ANK2: variants seen among roughly 807,000 people sequenced by gnomAD.
ANK2 encodes ankyrin 2.
In ANK2, 83 loss-of-function variants were observed where a neutral mutation model predicts 360.5. That is an observed-to-expected ratio of 0.23 (90% confidence interval 0.19 to 0.28). The LOEUF (loss-of-function observed/expected upper bound fraction) is 0.28. ANK2 is among the 10% of genes least tolerant of loss of function. ANK2 has a pLI of 1.00. For synonymous variants in ANK2, 1,740 were observed against 1,759.5 expected, an observed-to-expected ratio of 0.99 and a Z score of 0.28; for missense variants, 4,201 against 4,795.7, an observed-to-expected ratio of 0.88 and a Z score of 3.66.
the ANK2 span, among the ~76,000 whole-genome samples, chr4:112,743,412 T>G: frequency 2.5e-3 from 385 of 152,234 alleles, 2 homozygotes; most frequent in African/African-American, 8.7e-3. Context: ...TAAAGATAAC[T>G]TCCTTATATT....
At chr4:113,151,493 A>T (rs967932504) in intron 1 of ANK2, among the ~76,000 whole-genome samples, 2 of 152,032 alleles carry the variant, frequency 1.3e-5, no homozygotes, top group Non-Finnish European at 2.9e-5. Context: ...TCTCATAGGA[A>T]CTAATACAGC....
At chr4:113,343,499 A>G (rs1426679782) in intron 34 of ANK2, among the ~76,000 whole-genome samples, 1 of 152,262 alleles carries the variant, frequency 6.6e-6, no homozygotes, top group African/African-American at 2.4e-5. Context: ...AAGTGTGGAG[A>G]TCAAAAGAGT....
At chr4:113,155,600 A>T (rs2097257474) in intron 1 of ANK2, among the ~76,000 whole-genome samples, 1 of 152,150 alleles carries the variant, frequency 6.6e-6, no homozygotes, top group Non-Finnish European at 1.5e-5. Context: ...AACAATTTTT[A>T]ATTAATAAAT....
At chr4:112,836,658 C>G (rs967518607) in intron 1 of ANK2, among the ~76,000 whole-genome samples, 1 of 152,196 alleles carries the variant, frequency 6.6e-6, no homozygotes, top group East Asian at 1.9e-4. Context: ...GAGTAAAGGT[C>G]ACTCTTGCCA....
At chr4:112,841,054 C>T (rs2061984253) in intron 1 of ANK2, among the ~76,000 whole-genome samples, 1 of 152,192 alleles carries the variant, frequency 6.6e-6, no homozygotes, top group Non-Finnish European at 1.5e-5. Flanking sequence ...TTCTTAAATG[C>T]CTTCAGGGCT....
At chr4:113,317,658 C>A (rs772730640) in intron 24 of ANK2, 49 bp from the exon 25 acceptor site, 1 of 1,447,184 alleles carries the variant, frequency 6.9e-7, no homozygotes, top group Non-Finnish European at 9.7e-7. Flanking sequence ...GTCATCCCAA[C>A]CCTGCTACTG....
intron 2 of ANK2, among the ~76,000 whole-genome samples, chr4:112,985,384 C>T (rs544429844): frequency 6.6e-6 from 1 of 152,334 alleles, no homozygotes; most frequent in South Asian, 2.1e-4. Context: ...CCACTTCGCT[C>T]ATTTCTTCTA....
intron 14 of ANK2, among the ~76,000 whole-genome samples, 177 bp downstream of exon 14, chr4:113,265,172 G>A (rs1378409728): frequency 1.3e-5 from 2 of 151,702 alleles, no homozygotes; most frequent in Non-Finnish European, 2.9e-5. Flanking sequence ...AATTACACAC[G>A]ACGAAAAATG....
chr4:113,352,367 G>T (rs1002333610), intron 37 of ANK2, among the ~76,000 whole-genome samples: 1 of 152,130 alleles, frequency 6.6e-6, no homozygotes, highest in African/African-American at 2.4e-5. Flanking sequence ...TTGCTCCAAG[G>T]AAAGGACCAT....
chr4:112,917,768 T>A (rs2090322737), intron 2 of ANK2, among the ~76,000 whole-genome samples: 1 of 152,218 alleles, frequency 6.6e-6, no homozygotes, highest in African/African-American at 2.4e-5. Context: ...ATATGGACTT[T>A]CAATATGTAT....
intron 39 of ANK2, among the ~76,000 whole-genome samples, chr4:113,362,650 A>G (rs1487149592): frequency 6.6e-6 from 1 of 152,062 alleles, no homozygotes; most frequent in South Asian, 2.1e-4. Context: ...AGGTTTTTCT[A>G]TGTTGCTCAG....
intron 2 of ANK2, among the ~76,000 whole-genome samples, chr4:112,959,132 G>A (rs2033248277): frequency 6.6e-6 from 1 of 152,056 alleles, no homozygotes; most frequent in Non-Finnish European, 1.5e-5. Flanking sequence ...TTACACACGT[G>A]AGCCACCGCG....
At chr4:113,332,706 C>T (rs946944298) in intron 28 of ANK2, among the ~76,000 whole-genome samples, 1 of 152,180 alleles carries the variant, frequency 6.6e-6, no homozygotes, top group Non-Finnish European at 1.5e-5. Context: ...TGCACCTTGT[C>T]GAAAATGTTT....
intron 1 of ANK2, among the ~76,000 whole-genome samples, chr4:112,849,543 C>T (rs1296854106): frequency 2.0e-5 from 3 of 152,074 alleles, no homozygotes; most frequent in Non-Finnish European, 4.4e-5. Context: ...TATCTCTTAC[C>T]TGTCGAGGCT....
chr4:113,194,679 T>C (rs990612966), intron 2 of ANK2, among the ~76,000 whole-genome samples: 8 of 152,174 alleles, frequency 5.3e-5, no homozygotes, highest in Non-Finnish European at 7.4e-5. Context: ...AGCATTATTC[T>C]GAAGTTGTGG....
chr4:112,939,402 C>G (rs2094019475), intron 2 of ANK2, among the ~76,000 whole-genome samples: 1 of 151,728 alleles, frequency 6.6e-6, no homozygotes, highest in Non-Finnish European at 1.5e-5. Context: ...CTCCGCCTCC[C>G]TTGTTCAAGC....
At chr4:113,067,518 A>G (rs1372335057) in intron 1 of ANK2, among the ~76,000 whole-genome samples, 1 of 152,200 alleles carries the variant, frequency 6.6e-6, no homozygotes, top group East Asian at 1.9e-4. Context: ...GAAGTGTAAC[A>G]CTTGGGAGGA....
At chr4:112,855,794 T>C (rs1391792076) in intron 1 of ANK2, among the ~76,000 whole-genome samples, 1 of 152,196 alleles carries the variant, frequency 6.6e-6, no homozygotes, top group Non-Finnish European at 1.5e-5. Flanking sequence ...TGTCTGGATA[T>C]GGCTTGATGT....
At chr4:112,890,064 CAATT>C (rs1428991436) in intron 1 of ANK2, among the ~76,000 whole-genome samples, 6 of 152,190 alleles carry the variant, frequency 3.9e-5, no homozygotes, top group African/African-American at 1.4e-4. Context: ...ATGAAGTAAA[CAATT>C]AAACAGGCTT....
Sources: gnomAD v4.1 joint callset for allele counts (sites outside exome capture counted in the v4.1 genomes callset) on GRCh38, gnomAD v4.1.1 for gene constraint, MANE v1.5 for transcripts, NCBI Gene and HGNC (gene_info 2026-07-23, HGNC 2026-07-21) for gene names.